Variants in TIPRL observed in about 807,000 individuals in gnomAD.
The protein encoded by TIPRL is TIP41-like protein.
TIPRL carries 10 observed loss-of-function variants against 32.3 expected under a neutral mutation model. That is an observed-to-expected ratio of 0.31 (90% CI 0.19 to 0.52). The LOEUF (loss-of-function observed/expected upper bound fraction) is 0.52, where lower values mean the gene tolerates loss of function less well. Among genes scored for constraint, TIPRL ranks in the 20% least tolerant of loss-of-function variants. The probability of loss-of-function intolerance (pLI) is 0.96; values close to 1 mark genes in which losing one functional copy is unlikely to be tolerated. For missense variants in TIPRL, 250 were observed against 328.1 expected, an observed-to-expected ratio of 0.76 and a Z score of 1.84; for synonymous variants, 100 against 114.0, an observed-to-expected ratio of 0.88 and a Z score of 0.78.
At chr1:168,196,421 T>A in intron 4 of TIPRL, 126 bp from the exon 5 acceptor site, 1 of 557,010 alleles carries the variant, frequency 1.8e-6, no homozygotes, top group South Asian at 4.2e-5. Flanking sequence ...GAGATTTTTA[T>A]AAACTGTGAA....
chr1:168,187,215 T>A (rs185310036), intron 3 of TIPRL, among the ~76,000 whole-genome samples: 121 of 152,336 alleles, frequency 7.9e-4, no homozygotes, highest in Non-Finnish European at 1.1e-3. Flanking sequence ...CTCCCTCCTC[T>A]CTTCTGATTG....
At chr1:168,191,622 A>C in intron 4 of TIPRL, 122 bp downstream of exon 4, 2 of 775,256 alleles carry the variant, frequency 2.6e-6, no homozygotes, top group Non-Finnish European at 3.6e-6. Flanking sequence ...CTGTAATCCC[A>C]GCACTTTGAG....
chr1:168,181,129 C>G (rs1442718044), intron 1 of TIPRL, among the ~76,000 whole-genome samples: 1 of 151,694 alleles, frequency 6.6e-6, no homozygotes, highest in African/African-American at 2.4e-5. Flanking sequence ...ACTACAGGCG[C>G]GTGCCACCAC....
At position 168,179,029 on chromosome 1, in the gene TIPRL, C is replaced by G. The variant is rs372030252; in HGVS notation, c.-49C>G. ...GCGGAGGAACCGGTGTTCGCCGCCG[C>G]CGCTGCTTCAGCTTATTCCTTGTGG... On this transcript the variant is annotated 5_prime_UTR_variant, in exon 1 of 7. Coordinates refer to ENST00000367833, the MANE Select transcript of TIPRL (RefSeq NM_152902.5). 189 of 1,544,136 alleles carry G rather than the reference C, an allele frequency of 1.2e-4. No individual in the cohort carries two copies. In the African/African-American group the frequency reaches 2.1e-3, roughly 17 times the overall value.
chr1:168,193,453 CT>C (rs970675252), intron 4 of TIPRL, among the ~76,000 whole-genome samples: 8 of 151,962 alleles, frequency 5.3e-5, no homozygotes, highest in African/African-American at 1.4e-4. Flanking sequence ...TCTAAATTCA[CT>C]TTTTTTTGTT....
chr1:168,182,570 G>A (rs1352956380), intron 1 of TIPRL, among the ~76,000 whole-genome samples: 3 of 152,136 alleles, frequency 2.0e-5, no homozygotes, highest in African/African-American at 7.2e-5. Flanking sequence ...AAGTTGCAGT[G>A]AGCCAAGATC....
At chr1:168,180,910 C>T (rs187769043) in intron 1 of TIPRL, among the ~76,000 whole-genome samples, 1,758 of 148,498 alleles carry the variant, frequency 0.012, 31 homozygotes, top group African/African-American at 0.04. Flanking sequence ...GTGATCTGTC[C>T]GCCTTGGCCC....
At chr1:168,199,735 AG>A (rs1700190451) in intron 6 of TIPRL, among the ~76,000 whole-genome samples, 167 bp from the exon 7 acceptor site, 1 of 152,210 alleles carries the variant, frequency 6.6e-6, no homozygotes, top group South Asian at 2.1e-4. Flanking sequence ...TCAGTAACAA[AG>A]TTGAATGATT....
chr1:168,191,967 C>G (rs1700103540), intron 4 of TIPRL, among the ~76,000 whole-genome samples: 1 of 151,066 alleles, frequency 6.6e-6, no homozygotes, highest in African/African-American at 2.4e-5. Flanking sequence ...ATAAAATTCA[C>G]AAAATATTTG....
chr1:168,195,617 C>T (rs972668252), intron 4 of TIPRL, among the ~76,000 whole-genome samples: 1 of 152,172 alleles, frequency 6.6e-6, no homozygotes, highest in South Asian at 2.1e-4. Context: ...CTCTGTTGCC[C>T]AGGCTGGAGT....
At chr1:168,189,475 A>G (rs931238959) in intron 3 of TIPRL, among the ~76,000 whole-genome samples, 1 of 152,116 alleles carries the variant, frequency 6.6e-6, no homozygotes, top group Non-Finnish European at 1.5e-5. Context: ...CCTCCTGAGT[A>G]GCTGGGATTA....
chr1:168,183,692 TA>T (rs1699994282), intron 1 of TIPRL, among the ~76,000 whole-genome samples: 1 of 152,220 alleles, frequency 6.6e-6, no homozygotes, highest in Non-Finnish European at 1.5e-5. Context: ...ATATTTATCT[TA>T]TTTAGCCCAC....
intron 4 of TIPRL, among the ~76,000 whole-genome samples, chr1:168,193,930 G>A (rs1242303852): frequency 2.0e-5 from 3 of 152,102 alleles, no homozygotes; most frequent in African/African-American, 7.2e-5. Context: ...AAGCAGTCAG[G>A]TACTTATATT....
rs545262052 is a variant in TIPRL, at chr1:168,201,594, T to G, written c.*1548T>G. ...ATTAAATATACCTGTATTTAATGTT[T>G]TCTCTTAGGACAGAAAAGTAGACAC... On this transcript the variant is annotated 3_prime_UTR_variant, in exon 7 of 7. Transcript: ENST00000367833. The G allele has an allele frequency of 7.0e-6, 1 of 142,442 alleles. No homozygotes were observed. Among genetic ancestry groups the G allele is most frequent in the East Asian group, 2.0e-4 (1 of 4,938 alleles). The allele number at this position is 142,442 out of a possible 1,614,324, so 8.8% of individuals were successfully genotyped here.
chr1:168,184,891 T>C lies in TIPRL; in HGVS notation c.384+13T>C, dbSNP rs1309987144. 1.3e-6 allele frequency: 2 copies of C among 1,545,488 alleles called. No homozygotes were observed. The highest frequency in any genetic ancestry group is 2.3e-5 in the South Asian group (2 of 87,972). ...TCTTAAGTTAAAGGTAAATCTTACT[T>C]TTTTCTTTCATGAGTCATTGATTGT... On this transcript the variant is annotated intron_variant, in intron 3 of 6. Transcript: ENST00000367833.
intron 4 of TIPRL, chr1:168,192,438 T>C: frequency 1.0e-6 from 1 of 993,094 alleles, no homozygotes. Flanking sequence ...CACTGCATTA[T>C]AATTGGGTCT....
intron 4 of TIPRL, chr1:168,192,266 A>G: frequency 7.5e-7 from 1 of 1,330,438 alleles, no homozygotes; most frequent in South Asian, 1.5e-5. Flanking sequence ...GAGAAGCGTG[A>G]ACCCGGGAGG....
intron 2 of TIPRL, 76 bp from the exon 3 acceptor site, chr1:168,184,703 T>G (rs537159099): frequency 1.2e-6 from 1 of 864,922 alleles, no homozygotes. Context: ...TAGAATATAA[T>G]TTGATGTGAT....
intron 3 of TIPRL, among the ~76,000 whole-genome samples, chr1:168,188,091 A>G (rs1043289180): frequency 3.3e-5 from 5 of 152,230 alleles, no homozygotes; most frequent in African/African-American, 9.6e-5. Context: ...AAAAGTAGAT[A>G]TATTATCTAT....
Sources: gnomAD v4.1 joint callset for allele counts (sites outside exome capture counted in the v4.1 genomes callset) on GRCh38, gnomAD v4.1.1 for gene constraint, MANE v1.5 for transcripts, NCBI Gene and HGNC (gene_info 2026-07-23, HGNC 2026-07-21) for gene names.